ME2: variants seen among roughly 807,000 people sequenced by gnomAD.
ME2 encodes the protein malic enzyme 2.
A neutral mutation model predicts 73.7 loss-of-function variants in ME2; 60 were observed. That is an observed-to-expected ratio of 0.81 (90% CI 0.66 to 1.01). ME2 has a LOEUF of 1.01. Among genes scored for constraint, ME2 ranks in the 50% least tolerant of loss-of-function variants. The pLI is 0.00. For missense variants in ME2, 594 were observed against 705.5 expected (o/e 0.84, Z 1.79); for synonymous variants, 199 against 236.9 (o/e 0.84, Z 1.47).
intron 2 of ME2, among the ~76,000 whole-genome samples, chr18:50,904,139 G>A (rs763671352): frequency 1.3e-5 from 2 of 152,024 alleles, no homozygotes; most frequent in Non-Finnish European, 2.9e-5. Flanking sequence ...TTTAAAGTCT[G>A]TTTTGTCTAT....
At position 50,925,622 on chromosome 18, in the gene ME2, T is replaced by C. The variant is rs566022061; in HGVS notation, c.1172-134T>C. 1.4e-4 allele frequency: 97 copies of C among 677,714 alleles called. 1 individual carries two copies. The South Asian group carries it at 2.0e-3, about 14-fold the overall frequency. The allele number at this position is 677,714 out of a possible 1,614,324, so 42.0% of individuals were successfully genotyped here. ...TGTGTTCTCATAGATTTTGCATTGC[T>C]GAGATAGTGCTATCTTTGTAATGAG... On this transcript the variant is annotated intron_variant, in intron 11 of 15. Transcript: ENST00000321341.
chr18:50,932,240 A>G lies in ME2; in HGVS notation c.1315-18A>G. The G allele has an allele frequency of 6.3e-7, 1 of 1,594,182 alleles. No individual in the cohort carries two copies. The highest frequency in any genetic ancestry group is 8.6e-7 in the Non-Finnish European group (1 of 1,169,198). ...CACAGAAAATAACAAAATTGAAGTTATTTCATTTTATTAACAGGGCAGGTG... is the reference window on the plus strand; with the variant it reads ...CACAGAAAATAACAAAATTGAAGTTGTTTCATTTTATTAACAGGGCAGGTG... On this transcript the variant is annotated intron_variant, in intron 12 of 15. Coordinates refer to ENST00000321341, the MANE Select transcript of ME2 (RefSeq NM_002396.5).
chr18:50,917,586 A>T, intron 6 of ME2, 78 bp downstream of exon 6: 2 of 1,073,840 alleles, frequency 1.9e-6, no homozygotes, highest in East Asian at 2.7e-5. Flanking sequence ...TTTGAAAATG[A>T]TAATTTAAGA....
intron 1 of ME2, among the ~76,000 whole-genome samples, chr18:50,886,509 G>A (rs1249491563): frequency 6.6e-6 from 1 of 152,182 alleles, no homozygotes. Flanking sequence ...CTCCCAAAGT[G>A]TTGGGATTAC....
intron 4 of ME2, chr18:50,915,888 T>G (rs1394280241): frequency 5.5e-5 from 13 of 236,716 alleles, no homozygotes; most frequent in South Asian, 1.1e-4. Flanking sequence ...TTCCTGGTGG[T>G]GTATTGAGTT....
Position 50,954,071 on chromosome 18 carries a change from T to C in ME2, c.*6887T>C, listed in dbSNP as rs1918274591. Reference sequence around the variant, plus strand: ...TGGGTAGTCTTGTAGTAATTGCTTATGGGAATGCTAGTTTAAGAGGAATGC... The same window carrying C: ...TGGGTAGTCTTGTAGTAATTGCTTACGGGAATGCTAGTTTAAGAGGAATGC... On this transcript the variant is annotated 3_prime_UTR_variant, in exon 16 of 16. Coordinates refer to ENST00000321341, the MANE Select transcript of ME2 (RefSeq NM_002396.5). 6.6e-6 allele frequency: 1 copy of C among 152,238 alleles called. No individual in the cohort carries two copies. Among genetic ancestry groups the C allele is most frequent in the Admixed American group, 6.5e-5 (1 of 15,282 alleles). The allele number at this position is 152,238 out of a possible 1,614,324, so 9.4% of individuals were successfully genotyped here.
intron 6 of ME2, 138 bp from the exon 7 acceptor site, chr18:50,917,972 A>C (rs1042198409): frequency 1.5e-5 from 8 of 516,552 alleles, no homozygotes; most frequent in Non-Finnish European, 2.7e-5. Context: ...ACTGTCTCAA[A>C]AAAGAAAAAA....
intron 1 of ME2, among the ~76,000 whole-genome samples, chr18:50,893,051 G>A (rs1275579669): frequency 6.8e-6 from 1 of 148,070 alleles, no homozygotes; most frequent in African/African-American, 2.5e-5. Flanking sequence ...CTTGAAACCG[G>A]GAGGCAGAGG....
chr18:50,931,788 C>G (rs1917696329), intron 12 of ME2, among the ~76,000 whole-genome samples: 2 of 152,080 alleles, frequency 1.3e-5, no homozygotes, highest in South Asian at 4.1e-4. Context: ...GATTCTCCCG[C>G]CTCAGGCTCC....
At chr18:50,920,313 C>G (rs1917391299) in intron 7 of ME2, 143 bp from the exon 8 acceptor site, 1 of 587,608 alleles carries the variant, frequency 1.7e-6, no homozygotes, top group Non-Finnish European at 2.9e-6. Flanking sequence ...TCTAGTCTTT[C>G]ACAGGCTCTG....
chr18:50,929,872 T>G lies in ME2; in HGVS notation c.1315-2386T>G, dbSNP rs114555910. Among the ~76,000 whole-genome samples the G allele has an allele frequency of 1.5e-3, 228 of 152,238 alleles. 1 individual carries two copies. Among genetic ancestry groups the G allele is most frequent in the Middle Eastern group, 0.014 (4 of 294 alleles). On this transcript the variant is annotated intron_variant, in intron 12 of 15. Transcript: ENST00000321341. ...TTGACATTTCCAAAATATAAAAAATTTAAGTGTTTCGAGTAGTAGTGGTAT... is the reference window on the plus strand; with the variant it reads ...TTGACATTTCCAAAATATAAAAAATGTAAGTGTTTCGAGTAGTAGTGGTAT...
intron 14 of ME2, 77 bp downstream of exon 14, chr18:50,939,717 A>G: frequency 2.0e-6 from 2 of 987,680 alleles, no homozygotes; most frequent in Non-Finnish European, 1.6e-6. Context: ...AAAGGCAGAG[A>G]GAGAATGGGT....
At chr18:50,936,152 C>T (rs1005635071) in intron 13 of ME2, among the ~76,000 whole-genome samples, 6 of 152,098 alleles carry the variant, frequency 3.9e-5, no homozygotes, top group Admixed American at 2.6e-4. Flanking sequence ...TTCAAAGAAG[C>T]GACCGTTAGA....
intron 15 of ME2, among the ~76,000 whole-genome samples, chr18:50,944,778 T>C (rs534932434): frequency 1.6e-3 from 247 of 152,234 alleles, no homozygotes; most frequent in Non-Finnish European, 2.9e-3. Flanking sequence ...CCTCCCATGC[T>C]CTGCCACAAG....
chr18:50,910,201 G>A (rs1449686747), intron 3 of ME2, among the ~76,000 whole-genome samples: 1 of 149,708 alleles, frequency 6.7e-6, no homozygotes, highest in Non-Finnish European at 1.5e-5. Context: ...GGAGGTCAAG[G>A]TGGGAGGATC....
intron 5 of ME2, chr18:50,916,831 G>T (rs1257800744): frequency 1.3e-5 from 2 of 152,188 alleles, no homozygotes; most frequent in Non-Finnish European, 2.9e-5. Context: ...ATGATCGTTG[G>T]TTTGAATACT....
intron 1 of ME2, among the ~76,000 whole-genome samples, chr18:50,883,434 G>A (rs1202854455): frequency 1.3e-5 from 2 of 152,202 alleles, no homozygotes; most frequent in African/African-American, 4.8e-5. Flanking sequence ...TCCCAGTCCA[G>A]TTTGTAAATA....
intron 2 of ME2, among the ~76,000 whole-genome samples, chr18:50,906,772 A>G (rs1917029520): frequency 2.6e-5 from 4 of 152,204 alleles, no homozygotes; most frequent in Admixed American, 2.6e-4. Context: ...ATGTTGCGGC[A>G]TACCTCCAGC....
Position 50,944,006 on chromosome 18 carries a change from G to T in ME2, c.1588-3011G>T, listed in dbSNP as rs182580034. 1.6e-4 allele frequency among the ~76,000 whole-genome samples: 24 copies of T among 152,114 alleles called. 1 individual carries two copies. In the East Asian group the frequency reaches 4.7e-3, roughly 30 times the overall value. On this transcript the variant is annotated intron_variant, in intron 15 of 15. Transcript: ENST00000321341. The stretch of plus-strand genomic sequence containing the variant: ...CAAGGCAGGAGGATGACTTGAGGCT[G>T]TAAGTTTAAGACCATCCCTGGACAA...
Sources: gnomAD v4.1 joint callset for allele counts (sites outside exome capture counted in the v4.1 genomes callset) on GRCh38, gnomAD v4.1.1 for gene constraint, MANE v1.5 for transcripts, NCBI Gene and HGNC (gene_info 2026-07-23, HGNC 2026-07-21) for gene names.